PALS1: variants seen among roughly 807,000 people sequenced by gnomAD.
The protein encoded by PALS1 is protein associated with LIN7 1, MAGUK p55 family member.
In PALS1, 31 loss-of-function variants were observed where a neutral mutation model predicts 78.9. The observed-to-expected ratio is 0.39, with a 90% CI of 0.30 to 0.53. The LOEUF is 0.53. Ranked by LOEUF, PALS1 falls within the 20% of genes least tolerant of loss-of-function variation. The pLI is 0.67. For synonymous variants in PALS1, 276 were observed against 270.9 expected (o/e 1.02, Z -0.18); for missense variants, 704 against 826.5 (o/e 0.85, Z 1.82).
At chr14:67,242,918 G>C (rs1462961303) in intron 1 of PALS1, among the ~76,000 whole-genome samples, 1 of 152,162 alleles carries the variant, frequency 6.6e-6, no homozygotes, top group African/African-American at 2.4e-5. Context: ...AGTTCTACTT[G>C]AGGGTGACCC....
chr14:67,320,918 A>T, intron 12 of PALS1, 139 bp from the exon 13 acceptor site: 1 of 693,330 alleles, frequency 1.4e-6, no homozygotes, highest in Non-Finnish European at 2.5e-6. Flanking sequence ...AATGTTAAAC[A>T]TGTAGGCACT....
intron 10 of PALS1, 72 bp from the exon 11 acceptor site, chr14:67,317,336 G>A (rs2085191836): frequency 7.9e-7 from 1 of 1,267,862 alleles, no homozygotes; most frequent in African/African-American, 1.5e-5. Context: ...AATAAATAGA[G>A]TTCTTCAATT....
At chr14:67,289,741 G>A (rs1479246964) in intron 3 of PALS1, among the ~76,000 whole-genome samples, 1 of 150,730 alleles carries the variant, frequency 6.6e-6, no homozygotes, top group Admixed American at 6.6e-5. Flanking sequence ...TGACAAAAAG[G>A]CACATTGGGA....
In PALS1 at chr14:67,301,439, T is replaced by C; in HGVS notation, c.627T>C (p.Thr209=). 6.2e-7 allele frequency: 1 copy of C among 1,610,918 alleles called. No individual in the cohort carries two copies. The highest frequency in any genetic ancestry group is 8.5e-7 in the Non-Finnish European group (1 of 1,178,050). The part of the protein sequence containing the change: ...PVHHKEGQEL[T]ALLNTPHIQA... ...ATCATAAGGAAGGACAAGAACTAAC[T>C]GCTTTGCTGAATACTCCACATATTC... Residue 209 remains threonine, a synonymous_variant, in exon 5 of 15, where the codon ACT becomes ACC. Transcript: ENST00000261681.
chr14:67,268,991 C>T (rs781210822), intron 1 of PALS1, among the ~76,000 whole-genome samples: 1 of 152,124 alleles, frequency 6.6e-6, no homozygotes, highest in Admixed American at 6.6e-5. Flanking sequence ...TGCATCATTC[C>T]GCAAGAGAAA....
intron 11 of PALS1, among the ~76,000 whole-genome samples, chr14:67,317,972 A>G (rs12589606): frequency 0.15 from 23,544 of 152,178 alleles, 3,439 homozygotes; most frequent in East Asian, 0.42. Flanking sequence ...CTAGGTGACA[A>G]CAGTCTGCTG....
At chr14:67,286,941 C>T (rs551330491) in intron 3 of PALS1, among the ~76,000 whole-genome samples, 5 of 144,516 alleles carry the variant, frequency 3.5e-5, no homozygotes, top group East Asian at 2.1e-4. Flanking sequence ...TTTATGGCTG[C>T]GCGTGGTGGC....
chr14:67,243,799 A>G (rs1043603774), intron 1 of PALS1, among the ~76,000 whole-genome samples: 58 of 152,116 alleles, frequency 3.8e-4, no homozygotes, highest in African/African-American at 1.3e-3. Flanking sequence ...CCCAGCCCTT[A>G]TGATTTTTGA....
At chr14:67,317,916 A>G (rs555720550) in intron 11 of PALS1, among the ~76,000 whole-genome samples, 1 of 152,350 alleles carries the variant, frequency 6.6e-6, no homozygotes, top group African/African-American at 2.4e-5. Context: ...CGAAAGTTGT[A>G]GCTTCTCTTA....
At position 67,323,832 on chromosome 14, in the gene PALS1, G is replaced by T. The variant is rs374631008; in HGVS notation, c.1851+20G>T. 259 of 1,271,444 alleles carry T rather than the reference G, an allele frequency of 2.0e-4. No homozygotes were observed. The highest frequency in any genetic ancestry group is 2.7e-4 in the Non-Finnish European group (238 of 891,030). 78.8% of individuals were successfully genotyped at this position (1,271,444 alleles called of 1,614,324 possible). Reference sequence around the variant, plus strand: ...CCAAAGGTAAAGTTTTCACACTATTGTACTATTCCATTGAAGGTAAACATG... The same window carrying T: ...CCAAAGGTAAAGTTTTCACACTATTTTACTATTCCATTGAAGGTAAACATG... On this transcript the variant is annotated intron_variant, in intron 14 of 14. Transcript: ENST00000261681.
intron 1 of PALS1, among the ~76,000 whole-genome samples, chr14:67,260,580 G>A (rs1212439787): frequency 1.3e-5 from 2 of 152,082 alleles, no homozygotes; most frequent in Non-Finnish European, 2.9e-5. Flanking sequence ...GAGAGAGAGG[G>A]CAGGCAAAAT....
rs1482291760 is a variant in PALS1 at position 67,335,478 on chromosome 14, A to G, written c.*2522A>G. The G allele has an allele frequency of 6.6e-6, 1 of 152,604 alleles. No homozygotes were observed. The highest frequency in any genetic ancestry group is 2.4e-5 in the African/African-American group (1 of 41,468). The allele number at this position is 152,604 out of a possible 1,614,324, so 9.5% of individuals were successfully genotyped here. ...AAATAAGGAAGTTTTAGGTTGGTGC[A>G]TAACTTTGTTTCTCAAATTTTCGTT... On this transcript the variant is annotated 3_prime_UTR_variant, in exon 15 of 15. Transcript: ENST00000261681.
Position 67,317,371 on chromosome 14 carries a change from G to A in PALS1, c.1298-37G>A, listed in dbSNP as rs376227581. 3.4e-5 allele frequency: 52 copies of A among 1,513,290 alleles called. No homozygotes were observed. The African/African-American group carries it at 6.4e-4, about 19-fold the overall frequency. The allele number at this position is 1,513,290 out of a possible 1,614,324, so 93.7% of individuals were successfully genotyped here. The stretch of plus-strand genomic sequence containing the variant: ...TTGAGTTATGTGGTTTTGTTCACGG[G>A]AACACATTTATAGTTATGTTTATGA... On this transcript the variant is annotated intron_variant, in intron 10 of 14. Transcript: ENST00000261681.
intron 2 of PALS1, among the ~76,000 whole-genome samples, chr14:67,275,719 T>A (rs2084492318): frequency 6.6e-6 from 1 of 152,230 alleles, no homozygotes; most frequent in African/African-American, 2.4e-5. Context: ...TTTGTACCTC[T>A]CGTAGAATTT....
Position 67,323,232 on chromosome 14 carries a change from C to CATGTGTGTGTGTGTGT in PALS1, c.1741-470_1741-469insATGTGTGTGTGTGTGT, listed in dbSNP as rs57594216. Among the ~76,000 whole-genome samples the CATGTGTGTGTGTGTGT allele has an allele frequency of 1.4e-3, 203 of 143,592 alleles. 2 individuals carry two copies. The highest frequency in any genetic ancestry group is 5.0e-3 in the African/African-American group (192 of 38,422). 94.2% of individuals were successfully genotyped at this position (143,592 alleles called of 152,430 possible). A position where few individuals can be genotyped will look rare whatever the true frequency, so the allele number is the denominator to read the frequency against. The stretch of plus-strand genomic sequence containing the variant: ...ATATACATATATACACATATATACA[C>CATGTGTGTGTGTGTGT]GTGTGTGTGTGTGTGTGTGTGTGTG... On this transcript the variant is annotated intron_variant, in intron 13 of 14. Coordinates refer to ENST00000261681, the MANE Select transcript of PALS1 (RefSeq NM_022474.4).
rs2084911877 is a variant in PALS1 at position 67,300,162 on chromosome 14, A to C, written c.577-1227A>C. Among the ~76,000 whole-genome samples, 3 of 152,290 alleles carry C rather than the reference A, an allele frequency of 2.0e-5. No homozygotes were observed. The South Asian group carries it at 6.2e-4, about 32-fold the overall frequency. Reference sequence around the variant, plus strand: ...TAGAAATATAATTTTCTAAGTACCAAAACCTGAGGACAGACTGGTTTTGGT... The same window carrying C: ...TAGAAATATAATTTTCTAAGTACCACAACCTGAGGACAGACTGGTTTTGGT... On this transcript the variant is annotated intron_variant, in intron 4 of 14. Transcript: ENST00000261681.
At chr14:67,252,297 G>A (rs1003771666) in intron 1 of PALS1, among the ~76,000 whole-genome samples, 8 of 152,128 alleles carry the variant, frequency 5.3e-5, no homozygotes, top group Middle Eastern at 3.4e-3. Flanking sequence ...TCAAATAGGC[G>A]TGCACCACCA....
chr14:67,279,540 A>G lies in PALS1; in HGVS notation c.367+3A>G. Reference sequence around the variant, plus strand: ...TCATTATGCTGTGAAAATATTAGGTAAGTAAAAATAGAGGTATAACAGAAA... The same window carrying G: ...TCATTATGCTGTGAAAATATTAGGTGAGTAAAAATAGAGGTATAACAGAAA... On this transcript the variant is annotated splice_donor_region_variant and intron_variant, in intron 3 of 14. Transcript: ENST00000261681. 2.0e-6 allele frequency: 3 copies of G among 1,521,416 alleles called. No homozygotes were observed. The highest frequency in any genetic ancestry group is 2.6e-6 in the Non-Finnish European group (3 of 1,138,048). 94.2% of individuals were successfully genotyped at this position (1,521,416 alleles called of 1,614,324 possible).
intron 8 of PALS1, among the ~76,000 whole-genome samples, chr14:67,309,224 A>G (rs1384481474): frequency 6.6e-6 from 1 of 152,164 alleles, no homozygotes; most frequent in Non-Finnish European, 1.5e-5. Context: ...TTGTTGTATG[A>G]GAAACAAAAT....
Sources: allele counts gnomAD v4.1 joint callset (sites outside exome capture counted in the v4.1 genomes callset), GRCh38; gene constraint gnomAD v4.1.1; transcripts MANE v1.5; gene names NCBI Gene and HGNC (gene_info 2026-07-23, HGNC 2026-07-21).